ZNF654: variants seen among roughly 807,000 people sequenced by gnomAD.
ZNF654 encodes zinc finger protein 654.
ZNF654 carries 19 observed loss-of-function variants against 95.3 expected under a neutral mutation model. The observed-to-expected ratio is 0.20, with a 90% confidence interval of 0.14 to 0.29. ZNF654 has a LOEUF of 0.29. ZNF654 is among the 10% of genes least tolerant of loss of function. The probability of loss-of-function intolerance (pLI) is 1.00; values close to 1 mark genes in which losing one functional copy is unlikely to be tolerated. For synonymous variants in ZNF654, 413 were observed against 457.9 expected (o/e 0.90, Z 1.25); for missense variants, 1,046 against 1,341.0 (o/e 0.78, Z 3.44).
intron 2 of ZNF654, among the ~76,000 whole-genome samples, chr3:88,097,158 G>A (rs1353691737): frequency 6.6e-6 from 1 of 152,028 alleles, no homozygotes; most frequent in African/African-American, 2.4e-5. Context: ...ATGTACAAGG[G>A]TATTTGTATA....
intron 2 of ZNF654, among the ~76,000 whole-genome samples, chr3:88,112,633 A>G (rs1236711247): frequency 6.6e-6 from 1 of 152,060 alleles, no homozygotes; most frequent in Non-Finnish European, 1.5e-5. Flanking sequence ...ATATGCTATA[A>G]TATAAATGTT....
chr3:88,135,216 A>G lies in ZNF654; in HGVS notation c.1035+14A>G. 1 of 1,434,678 alleles carries G rather than the reference A, an allele frequency of 7.0e-7. No individual in the cohort carries two copies. The highest frequency in any genetic ancestry group is 9.1e-7 in the Non-Finnish European group (1 of 1,101,270). The allele number at this position is 1,434,678 out of a possible 1,614,324, so 88.9% of individuals were successfully genotyped here. A position where few individuals can be genotyped will look rare whatever the true frequency, so the allele number is the denominator to read the frequency against. ...ATCAAAGATGAGGTAAATAGGATAT[A>G]TTTGTCCCTTAAATTTAAAATTGAG... On this transcript the variant is annotated intron_variant, in intron 7 of 8. Transcript: ENST00000636215.
chr3:88,120,506 T>C (rs533688717), intron 3 of ZNF654, among the ~76,000 whole-genome samples: 63 of 152,184 alleles, frequency 4.1e-4, no homozygotes, highest in Non-Finnish European at 7.5e-4. Flanking sequence ...ATTGTAGAAA[T>C]GGCAAGGAAG....
chr3:88,113,890 T>G (rs188797470), intron 3 of ZNF654, among the ~76,000 whole-genome samples: 13 of 152,314 alleles, frequency 8.5e-5, no homozygotes, highest in Admixed American at 7.8e-4. Context: ...AGGTACGTTA[T>G]ATTGAACATT....
At chr3:88,105,878 G>A (rs1704707043) in intron 2 of ZNF654, among the ~76,000 whole-genome samples, 1 of 152,216 alleles carries the variant, frequency 6.6e-6, no homozygotes, top group Non-Finnish European at 1.5e-5. Flanking sequence ...GGACCTTTGA[G>A]AGGTGATTAG....
At chr3:88,086,514 A>T in intron 2 of ZNF654, 112 bp downstream of exon 2, 1 of 956,300 alleles carries the variant, frequency 1.0e-6, no homozygotes, top group Non-Finnish European at 1.4e-6. Flanking sequence ...TCCCTCAAAA[A>T]GAAATGTTTA....
intron 4 of ZNF654, among the ~76,000 whole-genome samples, chr3:88,126,802 G>A (rs1396486013): frequency 6.6e-6 from 1 of 152,046 alleles, no homozygotes; most frequent in Non-Finnish European, 1.5e-5. Flanking sequence ...GAATGTGTGA[G>A]TGAATAAGTG....
intron 2 of ZNF654, among the ~76,000 whole-genome samples, chr3:88,110,867 A>G (rs151116854): frequency 1.3e-5 from 2 of 152,170 alleles, no homozygotes; most frequent in Non-Finnish European, 2.9e-5. Flanking sequence ...TCTAAGGAAA[A>G]GGTTTGATGT....
chr3:88,066,117 G>T (rs1440407958), intron 1 of ZNF654, among the ~76,000 whole-genome samples: 1 of 152,212 alleles, frequency 6.6e-6, no homozygotes, highest in Non-Finnish European at 1.5e-5. Flanking sequence ...CAAAGCATGT[G>T]AGATGCTTTT....
intron 2 of ZNF654, among the ~76,000 whole-genome samples, chr3:88,087,628 G>C (rs1265302537): frequency 6.6e-6 from 1 of 152,162 alleles, no homozygotes; most frequent in Non-Finnish European, 1.5e-5. Context: ...AGCTTCATCT[G>C]TTATTTATTT....
chr3:88,065,833 TC>T, intron 1 of ZNF654, among the ~76,000 whole-genome samples: 1 of 152,136 alleles, frequency 6.6e-6, no homozygotes, highest in Non-Finnish European at 1.5e-5. Flanking sequence ...CTAAAGCGCT[TC>T]TCAGCACCCA....
At chr3:88,095,008 A>T (rs1015138860) in intron 2 of ZNF654, among the ~76,000 whole-genome samples, 1 of 152,172 alleles carries the variant, frequency 6.6e-6, no homozygotes, top group African/African-American at 2.4e-5. Flanking sequence ...ATTTCTTCCA[A>T]GTTTGCTGTA....
At chr3:88,093,090 C>G (rs1189755699) in intron 2 of ZNF654, among the ~76,000 whole-genome samples, 1 of 152,114 alleles carries the variant, frequency 6.6e-6, no homozygotes, top group Non-Finnish European at 1.5e-5. Flanking sequence ...AGAGATTTTG[C>G]TTTGTGCATA....
At chr3:88,092,589 A>G (rs1703809154) in intron 2 of ZNF654, among the ~76,000 whole-genome samples, 1 of 152,190 alleles carries the variant, frequency 6.6e-6, no homozygotes, top group Non-Finnish European at 1.5e-5. Flanking sequence ...CTGGATATTA[A>G]CAGATTTCAA....
intron 1 of ZNF654, among the ~76,000 whole-genome samples, chr3:88,078,902 C>G (rs1338925304): frequency 6.6e-6 from 1 of 151,996 alleles, no homozygotes; most frequent in African/African-American, 2.4e-5. Flanking sequence ...TATAAATTCT[C>G]TGTGAATTTT....
chr3:88,095,548 C>T (rs1204095853), intron 2 of ZNF654: 2 of 514,142 alleles, frequency 3.9e-6, no homozygotes, highest in Admixed American at 4.1e-5. Context: ...TCTGCTTCAT[C>T]TGTCTTTCCA....
At chr3:88,116,854 G>A (rs747134195) in intron 3 of ZNF654, among the ~76,000 whole-genome samples, 6 of 152,038 alleles carry the variant, frequency 3.9e-5, no homozygotes, top group Admixed American at 1.3e-4. Context: ...CTTTGTTTGG[G>A]CATGAAGGAT....
chr3:88,060,242 A>G (rs1285527900), intron 1 of ZNF654, among the ~76,000 whole-genome samples: 2 of 152,078 alleles, frequency 1.3e-5, no homozygotes, highest in Admixed American at 6.5e-5. Context: ...CCTTCAATAT[A>G]TAATGTATTT....
intron 6 of ZNF654, among the ~76,000 whole-genome samples, chr3:88,133,811 G>A (rs1706605741): frequency 6.6e-6 from 1 of 152,050 alleles, no homozygotes; most frequent in Non-Finnish European, 1.5e-5. Flanking sequence ...GGGCCTAAAA[G>A]GGTAACATTG....
Sources: gnomAD v4.1 joint callset for allele counts (sites outside exome capture counted in the v4.1 genomes callset) on GRCh38, gnomAD v4.1.1 for gene constraint, MANE v1.5 for transcripts, NCBI Gene and HGNC (gene_info 2026-07-23, HGNC 2026-07-21) for gene names.